PCF11: variants seen among roughly 807,000 people sequenced by gnomAD.
The protein encoded by PCF11 is pre-mRNA cleavage complex 2 protein Pcf11.
A neutral mutation model predicts 166.1 loss-of-function variants in PCF11; 19 were observed. The observed-to-expected ratio is 0.11, with a 90% CI of 0.08 to 0.17. The LOEUF is 0.17. PCF11 is among the 10% of genes least tolerant of loss of function. PCF11 has a pLI of 1.00. For synonymous variants in PCF11, 663 were observed against 644.1 expected, an observed-to-expected ratio of 1.03 and a Z score of -0.44; for missense variants, 1,565 against 1,855.5, an observed-to-expected ratio of 0.84 and a Z score of 2.88.
chr11:83,184,770 A>C (rs988092389), exon 16 of PCF11: 19 of 1,612,276 alleles, frequency 1.2e-5, no homozygotes, highest in Non-Finnish European at 1.5e-5. Flanking sequence ...AACGAATTGC[A>C]GGAACCCTGT....
At chr11:83,157,571 C>T (rs1202213653) in exon 1 of PCF11, 6 of 1,614,012 alleles carry the variant, frequency 3.7e-6, no homozygotes, top group Non-Finnish European at 4.2e-6. Context: ...CCATTCTAGC[C>T]GAGGAGAACC....
chr11:83,171,427 A>G, intron 8 of PCF11: 1 of 353,226 alleles, frequency 2.8e-6, no homozygotes, highest in South Asian at 2.2e-5. Flanking sequence ...GCATTATGTC[A>G]GTTCTTCTAT....
intron 14 of PCF11, 90 bp downstream of exon 14, chr11:83,182,581 G>A (rs1861120340): frequency 3.0e-6 from 2 of 673,562 alleles, no homozygotes; most frequent in Non-Finnish European, 5.2e-6. Flanking sequence ...GTTCATAATA[G>A]TTTTTGTTTG....
chr11:83,182,073 C>T, intron 13 of PCF11, 64 bp downstream of exon 13: 2 of 1,225,446 alleles, frequency 1.6e-6, no homozygotes, highest in Non-Finnish European at 2.3e-6. Flanking sequence ...TATGTAAATA[C>T]TCATAAACAC....
At chr11:83,177,052 T>C (rs1450778713) in intron 9 of PCF11, 33 bp from the exon 10 acceptor site, 2 of 1,416,330 alleles carry the variant, frequency 1.4e-6, no homozygotes, top group African/African-American at 1.5e-5. Context: ...ACTTCAAAAG[T>C]GGTTTTTTTT....
intron 8 of PCF11, chr11:83,171,119 C>T (rs764894615): frequency 9.5e-6 from 3 of 316,690 alleles, no homozygotes; most frequent in Non-Finnish European, 1.9e-5. Context: ...TGTAGAAGTC[C>T]TGCCTCCCTC....
exon 16 of PCF11, chr11:83,184,771 G>A (rs1390848689): frequency 3.7e-6 from 6 of 1,612,254 alleles, no homozygotes; most frequent in East Asian, 4.5e-5. Flanking sequence ...ACGAATTGCA[G>A]GAACCCTGTG....
chr11:83,167,817 A>G lies in PCF11; in HGVS notation c.2092+312A>G, dbSNP rs192246577. 2.4e-4 allele frequency: 327 copies of G among 1,339,138 alleles called. 1 individual carries two copies. The Admixed American group carries it at 6.4e-3, about 26-fold the overall frequency. The allele number at this position is 1,339,138 out of a possible 1,614,324, so 83.0% of individuals were successfully genotyped here. On this transcript the variant is annotated intron_variant, in intron 7 of 15. Coordinates refer to ENST00000298281, the Ensembl canonical transcript of PCF11. The surrounding 1 kb of genome is among the most constrained non-coding windows in gnomAD (Gnocchi z 4.2). ...TGAAAGAGCAAGACGTCTTTCTCCT[A>G]TATCTGGGAGTCGTACTTATGCTGA...
At chr11:83,157,150 A>G in exon 1 of PCF11, 1 of 567,400 alleles carries the variant, frequency 1.8e-6, no homozygotes, top group Non-Finnish European at 3.1e-6. Context: ...AGCGGTTGGG[A>G]ACACAGACAT....
intron 4 of PCF11, among the ~76,000 whole-genome samples, chr11:83,164,743 A>C (rs1220405676): frequency 2.0e-5 from 3 of 151,642 alleles, no homozygotes; most frequent in African/African-American, 7.3e-5. Context: ...CAGGTGGGGT[A>C]GTGCATCCTT....
chr11:83,169,082 G>C, exon 8 of PCF11: 1 of 1,613,796 alleles, frequency 6.2e-7, no homozygotes, highest in Non-Finnish European at 8.5e-7. Flanking sequence ...GGTGGACTTA[G>C]ATTTGAGGGG....
At chr11:83,182,114 T>G in intron 13 of PCF11, 105 bp downstream of exon 13, 1 of 955,328 alleles carries the variant, frequency 1.0e-6, no homozygotes, top group Non-Finnish European at 1.5e-6. Context: ...GTTTTAATGA[T>G]TTTAAGACTT....
intron 2 of PCF11, among the ~76,000 whole-genome samples, chr11:83,163,354 A>G (rs1860329270): frequency 6.6e-6 from 1 of 152,108 alleles, no homozygotes; most frequent in Non-Finnish European, 1.5e-5. Context: ...TTTTAGTTTT[A>G]TATTTTCTAG....
exon 5 of PCF11, chr11:83,166,394 T>G (rs553680625): frequency 5.0e-6 from 8 of 1,613,772 alleles, no homozygotes; most frequent in East Asian, 4.5e-5. Context: ...AGAGAAGAGA[T>G]AGGCGGTCAC....
rs1860474233 is a variant in PCF11, at chr11:83,166,664, A to G, written c.1767A>G (p.Gln589=). ...CAAAGGAGAATGTAGAAAACTGGCA[A>G]AGTTCCAAGTCTGCCAAAAGATGGA... The change falls in exon 5 of 16, where the codon CAA becomes CAG. Residue 589 remains glutamine (Q), a synonymous_variant. Transcript: ENST00000298281. The G allele has an allele frequency of 1.5e-5, 24 of 1,604,378 alleles. 1 individual carries two copies. The highest frequency in any genetic ancestry group is 2.2e-5 in the South Asian group (2 of 89,490).
chr11:83,168,876 G>T (rs778990536), exon 8 of PCF11: 3 of 1,613,552 alleles, frequency 1.9e-6, no homozygotes, highest in Admixed American at 3.3e-5. Context: ...GTGGTTTTCG[G>T]TTTGAAGGTT....
At chr11:83,157,135 G>T in exon 1 of PCF11, 1 of 514,876 alleles carries the variant, frequency 1.9e-6, no homozygotes, top group East Asian at 3.0e-5. Flanking sequence ...CATTTCGCAC[G>T]ACGCAGCGGT....
At chr11:83,169,229 C>T (rs1182193598) in exon 8 of PCF11, 1 of 1,612,950 alleles carries the variant, frequency 6.2e-7, no homozygotes, top group Non-Finnish European at 8.5e-7. Context: ...CAGTCAGTAG[C>T]TGGTCTGAGA....
intron 1 of PCF11, 99 bp from the exon 2 acceptor site, chr11:83,161,228 C>A: frequency 1.1e-6 from 1 of 899,998 alleles, no homozygotes; most frequent in Non-Finnish European, 1.7e-6. Flanking sequence ...TTAGTATCAA[C>A]AAAAATAGAG....
Sources: gnomAD v4.1 joint callset for allele counts (sites outside exome capture counted in the v4.1 genomes callset) on GRCh38, gnomAD v4.1.1 for gene constraint, Gnocchi (gnomAD v3.1) non-coding constraint, MANE v1.5 for transcripts, NCBI Gene and HGNC (gene_info 2026-07-23, HGNC 2026-07-21) for gene names.